MYOF: variants seen among roughly 807,000 people sequenced by gnomAD.
MYOF encodes fer-1-like 3, myoferlin.
MYOF carries 244 observed loss-of-function variants against 284.2 expected under a neutral mutation model. That is an observed-to-expected ratio of 0.86 (90% CI 0.77 to 0.95). The LOEUF (loss-of-function observed/expected upper bound fraction) is 0.95, where lower values mean the gene tolerates loss of function less well. Ranked by LOEUF, MYOF falls within the 40% of genes least tolerant of loss-of-function variation. The pLI is 0.00. For missense variants in MYOF, 2,496 were observed against 2,560.6 expected (o/e 0.97, Z 0.54); for synonymous variants, 904 against 919.7 (o/e 0.98, Z 0.31).
intron 29 of MYOF, 141 bp from the exon 30 acceptor site, chr10:93,356,989 A>G (rs1000164129): frequency 5.5e-6 from 5 of 908,874 alleles, no homozygotes; most frequent in Non-Finnish European, 8.1e-6. Context: ...AGAGTCAGGA[A>G]TACAGAAAAG....
intron 27 of MYOF, among the ~76,000 whole-genome samples, chr10:93,363,079 A>T (rs1845153107): frequency 6.6e-6 from 1 of 152,244 alleles, no homozygotes; most frequent in South Asian, 2.1e-4. Context: ...TAGTAGGTAC[A>T]TATAATAAAA....
chr10:93,348,952 C>T (rs2133879099), intron 36 of MYOF, among the ~76,000 whole-genome samples: 1 of 152,196 alleles, frequency 6.6e-6, no homozygotes, highest in Admixed American at 6.5e-5. Flanking sequence ...CATTTCCCCT[C>T]TTTAGGCCTC....
chr10:93,453,839 TG>T (rs1383426820), intron 2 of MYOF, among the ~76,000 whole-genome samples: 1 of 151,994 alleles, frequency 6.6e-6, no homozygotes, highest in Non-Finnish European at 1.5e-5. Flanking sequence ...TAGTTATGAC[TG>T]TGCCATTACA....
At chr10:93,395,590 TG>T (rs2134061909) in intron 16 of MYOF, among the ~76,000 whole-genome samples, 1 of 152,172 alleles carries the variant, frequency 6.6e-6, no homozygotes, top group East Asian at 1.9e-4. Context: ...TCAAGAAAAT[TG>T]TTTGGAAAAC....
Position 93,449,232 on chromosome 10 carries a change from G to C in MYOF, c.236+2818C>G, listed in dbSNP as rs150943920. On this transcript the variant is annotated intron_variant, in intron 3 of 53. Coordinates refer to ENST00000359263, the MANE Select transcript of MYOF (RefSeq NM_013451.4). ...AGTGATTCAAACACATTGATTACAT[G>C]TTGAAATAACATTTTGAATCTGCTG... is the stretch of plus-strand genomic sequence containing the variant. Among the ~76,000 whole-genome samples the C allele has an allele frequency of 1.0e-3, 152 of 152,342 alleles. 1 individual carries two copies. Among genetic ancestry groups the C allele is most frequent in the African/African-American group, 3.4e-3 (141 of 41,578 alleles).
At chr10:93,333,695 T>C in intron 42 of MYOF, 63 bp downstream of exon 42, 1 of 1,580,310 alleles carries the variant, frequency 6.3e-7, no homozygotes, top group Non-Finnish European at 8.6e-7. Flanking sequence ...AACATGACAA[T>C]TATTGTGGCT....
At chr10:93,313,578 G>A (rs1465784500) in intron 50 of MYOF, among the ~76,000 whole-genome samples, 1 of 152,124 alleles carries the variant, frequency 6.6e-6, no homozygotes, top group Non-Finnish European at 1.5e-5. Context: ...AGGTCATTTG[G>A]CTTTGGGTAA....
At position 93,329,656 on chromosome 10, in the gene MYOF, C is replaced by T. The variant is rs530228148; in HGVS notation, c.4982+8G>A. The T allele has an allele frequency of 1.9e-5, 30 of 1,613,498 alleles. No homozygotes were observed. The highest frequency in any genetic ancestry group is 1.2e-4 in the Admixed American group (7 of 60,030). On this transcript the variant is annotated splice_region_variant and intron_variant, in intron 44 of 53. Coordinates refer to ENST00000359263, the MANE Select transcript of MYOF (RefSeq NM_013451.4). ...CAAAGTGCCTCTTGTACAGTCAAAG[C>T]AACTTACACACAGTACTCCTCTGGT...
intron 41 of MYOF, 34 bp downstream of exon 41, chr10:93,335,887 G>C (rs1843580332): frequency 2.5e-6 from 4 of 1,605,044 alleles, no homozygotes; most frequent in Non-Finnish European, 3.4e-6. Context: ...AATGAAGGTG[G>C]ATTTTAAACG....
At chr10:93,341,080 A>G (rs1843884253) in intron 38 of MYOF, among the ~76,000 whole-genome samples, 1 of 152,212 alleles carries the variant, frequency 6.6e-6, no homozygotes, top group South Asian at 2.1e-4. Flanking sequence ...ACAGATAGAT[A>G]TATCAATTCT....
At chr10:93,332,223 TTTA>T (rs1767533767) in intron 43 of MYOF, among the ~76,000 whole-genome samples, 1 of 47,836 alleles carries the variant, frequency 2.1e-5, no homozygotes, top group Non-Finnish European at 5.1e-5. Context: ...TCCTCATTCT[TTTA>T]TTTTTTTTTT....
At chr10:93,350,368 A>G (rs787702) in intron 35 of MYOF, among the ~76,000 whole-genome samples, 52,129 of 151,662 alleles carry the variant, frequency 0.34, 9,539 homozygotes, top group Non-Finnish European at 0.42. Context: ...GCTGGGGTAC[A>G]GTGGCACGAA....
At chr10:93,446,561 G>A (rs1412488859) in intron 3 of MYOF, among the ~76,000 whole-genome samples, 1 of 151,942 alleles carries the variant, frequency 6.6e-6, no homozygotes. Context: ...TGGGAGCCAG[G>A]AAACTTAAAG....
At chr10:93,452,448 C>T (rs2056618299) in intron 2 of MYOF, among the ~76,000 whole-genome samples, 1 of 151,050 alleles carries the variant, frequency 6.6e-6, no homozygotes, top group Non-Finnish European at 1.5e-5. Flanking sequence ...ACTACCACAA[C>T]TGCTGCAAGA....
In MYOF at chr10:93,328,902, G is replaced by T; in HGVS notation, c.4992C>A (p.Val1664=). The T allele has an allele frequency of 6.2e-7, 1 of 1,610,224 alleles. No homozygotes were observed. The highest frequency in any genetic ancestry group is 8.5e-7 in the Non-Finnish European group (1 of 1,177,066). Residue 1664 remains valine (V), a synonymous_variant, in exon 45 of 54, where the codon GTC becomes GTA. Transcript: ENST00000359263. The part of the protein sequence containing the change: ...GIPEEYCVSG[V]NTWRDQLRPT... ...GTCTCAGTTGATCTCGCCAGGTATT[G>T]ACTCCAGAACTGTGAATAGCATCAC...
At chr10:93,375,313 C>T (rs1285751151) in intron 22 of MYOF, among the ~76,000 whole-genome samples, 1 of 152,270 alleles carries the variant, frequency 6.6e-6, no homozygotes, top group South Asian at 2.1e-4. Context: ...TTTTACAGAA[C>T]CACAAAATGA....
At position 93,389,122 on chromosome 10, in the gene MYOF, G is replaced by A. The variant is rs761425525; in HGVS notation, c.1489C>T (p.Pro497Ser). The A allele has an allele frequency of 2.5e-6, 4 of 1,613,922 alleles. No homozygotes were observed. In the East Asian group the frequency reaches 8.9e-5, roughly 36 times the overall value. The change falls in exon 18 of 54, where the codon CCA becomes TCA. Residue 497 changes from proline (P) to serine (S), a missense_variant. By Grantham distance (74) the Pro-to-Ser change is moderately conservative. Transcript: ENST00000359263. ...NTGETEVGFV[P>S]TFGPCYLNLY... is the part of the protein sequence containing the mutation. ...TTCAGGTAACAAGGTCCAAACGTTGGAACAAAGCCTACCTCTGTTTCTCCT... is the reference window on the plus strand; with the variant it reads ...TTCAGGTAACAAGGTCCAAACGTTGAAACAAAGCCTACCTCTGTTTCTCCT...
At chr10:93,479,659 C>T (rs963045001) in intron 1 of MYOF, among the ~76,000 whole-genome samples, 2 of 152,144 alleles carry the variant, frequency 1.3e-5, no homozygotes, top group Non-Finnish European at 1.5e-5. Context: ...TCCCATCATG[C>T]CACAGCTGAG....
At chr10:93,342,235 C>T (rs1448330371) in intron 38 of MYOF, among the ~76,000 whole-genome samples, 5 of 152,128 alleles carry the variant, frequency 3.3e-5, no homozygotes, top group East Asian at 1.9e-4. Flanking sequence ...GATACAAGGC[C>T]TGAATTGAGG....
Sources: allele counts gnomAD v4.1 joint callset (sites outside exome capture counted in the v4.1 genomes callset), GRCh38; gene constraint gnomAD v4.1.1; transcripts MANE v1.5; gene names NCBI Gene and HGNC (gene_info 2026-07-23, HGNC 2026-07-21).